The following XKR4 variants were observed in gnomAD, a reference collection of about 807,000 sequenced individuals.
XKR4 encodes XK-related protein 4.
XKR4 carries 12 observed loss-of-function variants against 53.9 expected under a neutral mutation model. The observed-to-expected ratio is 0.22, with a 90% CI of 0.14 to 0.36. The LOEUF (loss-of-function observed/expected upper bound fraction) is 0.36, where lower values mean the gene tolerates loss of function less well. XKR4 is among the 10% of genes least tolerant of loss of function. XKR4 has a pLI of 1.00. For missense variants in XKR4, 799 were observed against 859.5 expected, an observed-to-expected ratio of 0.93 and a Z score of 0.88; for synonymous variants, 354 against 362.4, an observed-to-expected ratio of 0.98 and a Z score of 0.26.
chr8:55,253,181 A>C (rs543289694), intron 1 of XKR4, among the ~76,000 whole-genome samples: 1 of 152,234 alleles, frequency 6.6e-6, no homozygotes, highest in Admixed American at 6.5e-5. Flanking sequence ...TTTACTTACT[A>C]TGCTATGCCT....
At chr8:55,171,188 G>A (rs916388597) in intron 1 of XKR4, among the ~76,000 whole-genome samples, 2 of 152,126 alleles carry the variant, frequency 1.3e-5, no homozygotes, top group Admixed American at 6.5e-5. Flanking sequence ...ACCTACAATC[G>A]AGAAAATAAA....
chr8:55,473,477 A>G (rs1375173128), intron 2 of XKR4, among the ~76,000 whole-genome samples: 5 of 152,176 alleles, frequency 3.3e-5, no homozygotes, highest in African/African-American at 1.2e-4. Context: ...ATAAAGTAAC[A>G]TAGATATTCA....
At chr8:55,394,778 A>C (rs753897926) in intron 2 of XKR4, among the ~76,000 whole-genome samples, 1 of 152,204 alleles carries the variant, frequency 6.6e-6, no homozygotes, top group Non-Finnish European at 1.5e-5. Flanking sequence ...TTCTTCAATT[A>C]TCTGGCCTTC....
intron 1 of XKR4, among the ~76,000 whole-genome samples, chr8:55,211,691 G>C (rs1331271436): frequency 6.6e-6 from 1 of 152,096 alleles, no homozygotes; most frequent in East Asian, 1.9e-4. Flanking sequence ...TACGTTTAAA[G>C]TATATCCTGC....
At chr8:55,453,751 G>A in intron 2 of XKR4, 1 of 391,626 alleles carries the variant, frequency 2.6e-6, no homozygotes, top group South Asian at 2.1e-5. Flanking sequence ...ACAGGTTCTT[G>A]TTCTTGCAGA....
At chr8:55,171,232 A>C (rs1277865455) in intron 1 of XKR4, among the ~76,000 whole-genome samples, 1 of 152,228 alleles carries the variant, frequency 6.6e-6, no homozygotes, top group Admixed American at 6.5e-5. Flanking sequence ...AATATTTGTG[A>C]GGTGTTAATG....
intron 1 of XKR4, among the ~76,000 whole-genome samples, chr8:55,235,670 C>G (rs1204525376): frequency 6.6e-6 from 1 of 152,058 alleles, no homozygotes; most frequent in Non-Finnish European, 1.5e-5. Flanking sequence ...ACAAACTATC[C>G]ACCTTTAACA....
chr8:55,146,776 G>C (rs1228853334), intron 1 of XKR4, among the ~76,000 whole-genome samples: 5 of 152,212 alleles, frequency 3.3e-5, no homozygotes, highest in Non-Finnish European at 7.3e-5. Context: ...AACGTTTTTA[G>C]GAAGAAATAG....
At chr8:55,345,910 T>C (rs1010496132) in intron 1 of XKR4, among the ~76,000 whole-genome samples, 3 of 152,006 alleles carry the variant, frequency 2.0e-5, no homozygotes, top group African/African-American at 7.3e-5. Context: ...ATCCAATTCA[T>C]TCACTTTTTT....
At chr8:55,292,562 A>G (rs1035238343) in intron 1 of XKR4, among the ~76,000 whole-genome samples, 3 of 152,042 alleles carry the variant, frequency 2.0e-5, no homozygotes, top group Non-Finnish European at 4.4e-5. Context: ...CTTGATAAAG[A>G]TTGGCCAATT....
Position 55,533,158 on chromosome 8 carries a change from C to T in XKR4, c.*8931C>T, listed in dbSNP as rs921119563. On this transcript the variant is annotated 3_prime_UTR_variant, in exon 3 of 3. Coordinates refer to ENST00000327381, the MANE Select transcript of XKR4 (RefSeq NM_052898.2). ...CTATTTTGATCGCACACCAGTAGAA[C>T]GCATCTTAACACCAGCATTGCCATT... is the stretch of plus-strand genomic sequence containing the variant. The T allele has an allele frequency of 4.6e-5, 7 of 152,280 alleles. No homozygotes were observed. The highest frequency in any genetic ancestry group is 4.1e-4 in the South Asian group (2 of 4,824). 9.4% of individuals were successfully genotyped at this position (152,280 alleles called of 1,614,324 possible).
At chr8:55,491,673 A>T (rs1806274646) in intron 2 of XKR4, among the ~76,000 whole-genome samples, 1 of 150,250 alleles carries the variant, frequency 6.7e-6, no homozygotes, top group Non-Finnish European at 1.5e-5. Context: ...TGCTGGGGAG[A>T]GGAGGGGGAA....
At chr8:55,114,876 A>G (rs1398420821) in intron 1 of XKR4, among the ~76,000 whole-genome samples, 16 of 152,182 alleles carry the variant, frequency 1.1e-4, no homozygotes, top group Non-Finnish European at 1.2e-4. Context: ...GACTCCACAA[A>G]CATCTGCTTA....
At chr8:55,143,727 C>T (rs1270940094) in intron 1 of XKR4, among the ~76,000 whole-genome samples, 1 of 152,208 alleles carries the variant, frequency 6.6e-6, no homozygotes, top group Non-Finnish European at 1.5e-5. Flanking sequence ...GGATGTGCCT[C>T]CAAGTCCCAA....
At chr8:55,239,835 T>C (rs1818184414) in intron 1 of XKR4, among the ~76,000 whole-genome samples, 1 of 152,212 alleles carries the variant, frequency 6.6e-6, no homozygotes, top group African/African-American at 2.4e-5. Context: ...ACCAGTTGCA[T>C]GGTAGTTGAT....
chr8:55,377,831 C>T (rs1804172598), intron 2 of XKR4, among the ~76,000 whole-genome samples: 1 of 152,150 alleles, frequency 6.6e-6, no homozygotes, highest in Admixed American at 6.5e-5. Context: ...TAATCAGACC[C>T]CAGAAAGGCA....
intron 1 of XKR4, among the ~76,000 whole-genome samples, chr8:55,106,303 T>C (rs1250151239): frequency 6.6e-6 from 1 of 152,216 alleles, no homozygotes; most frequent in Non-Finnish European, 1.5e-5. Context: ...TATTTATACA[T>C]ATGTTACAAT....
chr8:55,520,684 T>C (rs1237414786), intron 2 of XKR4, among the ~76,000 whole-genome samples: 1 of 152,194 alleles, frequency 6.6e-6, no homozygotes, highest in East Asian at 1.9e-4. Context: ...TTCCCTTTGG[T>C]ATAGATTTTT....
intron 2 of XKR4, among the ~76,000 whole-genome samples, chr8:55,460,949 G>T (rs1463242781): frequency 6.6e-6 from 1 of 152,248 alleles, no homozygotes; most frequent in Non-Finnish European, 1.5e-5. Context: ...ACCCGCCATT[G>T]CTCAGGCTTG....
Sources: gnomAD v4.1 joint callset for allele counts (sites outside exome capture counted in the v4.1 genomes callset) on GRCh38, gnomAD v4.1.1 for gene constraint, MANE v1.5 for transcripts, NCBI Gene and HGNC (gene_info 2026-07-23, HGNC 2026-07-21) for gene names.